Variants in JAZF1 observed in about 807,000 individuals in gnomAD.
JAZF1 encodes the protein JAZF zinc finger 1.
A neutral mutation model predicts 26.4 loss-of-function variants in JAZF1; 8 were observed. That is an observed-to-expected ratio of 0.30 (90% confidence interval 0.18 to 0.55). The LOEUF (loss-of-function observed/expected upper bound fraction) is 0.55, where lower values mean the gene tolerates loss of function less well. JAZF1 is among the 20% of genes least tolerant of loss of function. The pLI is 0.94. For synonymous variants in JAZF1, 126 were observed against 122.3 expected (o/e 1.03, Z -0.20); for missense variants, 199 against 322.0 (o/e 0.62, Z 2.92).
In JAZF1 at chr7:27,986,395, A is replaced by C. The variant is rs934493064; in HGVS notation, c.188+5514T>G. Among the ~76,000 whole-genome samples the C allele has an allele frequency of 1.5e-4, 23 of 152,270 alleles. No homozygotes were observed. In the East Asian group the frequency reaches 1.5e-3, roughly 10 times the overall value. On this transcript the variant is annotated intron_variant, in intron 2 of 4. Transcript: ENST00000283928. ...CAAAGAGAATAAAATACCTAGGAAT[A>C]CAACTTACAAGGGATGTGAAGGACC... is the stretch of plus-strand genomic sequence containing the variant.
At chr7:27,875,724 T>G (rs1783667394) in intron 3 of JAZF1, among the ~76,000 whole-genome samples, 1 of 152,232 alleles carries the variant, frequency 6.6e-6, no homozygotes, top group African/African-American at 2.4e-5. Flanking sequence ...TCTTACCATC[T>G]GTCTCCCCAC....
At chr7:28,103,584 C>T (rs1232608307) in intron 1 of JAZF1, among the ~76,000 whole-genome samples, 1 of 152,164 alleles carries the variant, frequency 6.6e-6, no homozygotes, top group African/African-American at 2.4e-5. Context: ...GCCAGTCACC[C>T]TCATCTTAGC....
intron 3 of JAZF1, among the ~76,000 whole-genome samples, chr7:27,878,697 A>G: frequency 6.6e-6 from 1 of 152,194 alleles, no homozygotes; most frequent in South Asian, 2.1e-4. Flanking sequence ...AAGGAATGAC[A>G]ACTTCCATAA....
chr7:28,030,625 G>A (rs1229670329), intron 1 of JAZF1, among the ~76,000 whole-genome samples: 1 of 152,056 alleles, frequency 6.6e-6, no homozygotes, highest in Non-Finnish European at 1.5e-5. Flanking sequence ...ATTGAGACTT[G>A]TACCACTAAA....
chr7:28,035,235 A>ACCCAGGAGG (rs1783266012), intron 1 of JAZF1, among the ~76,000 whole-genome samples: 1 of 142,260 alleles, frequency 7.0e-6, no homozygotes, highest in Admixed American at 7.4e-5. Context: ...AATTGCTTGA[A>ACCCAGGAGG]CCCAGGAGGT....
intron 1 of JAZF1, among the ~76,000 whole-genome samples, chr7:28,060,057 ATATT>A (rs1197537764): frequency 6.6e-6 from 1 of 152,092 alleles, no homozygotes; most frequent in Non-Finnish European, 1.5e-5. Context: ...TACATTCTAA[ATATT>A]TTATTCAATT....
At chr7:28,169,242 T>C (rs1443743592) in intron 1 of JAZF1, among the ~76,000 whole-genome samples, 1 of 152,248 alleles carries the variant, frequency 6.6e-6, no homozygotes. Context: ...TGTTTGCATA[T>C]TTTAACAGCA....
At chr7:28,058,497 T>C (rs1038698512) in intron 1 of JAZF1, among the ~76,000 whole-genome samples, 3 of 152,174 alleles carry the variant, frequency 2.0e-5, no homozygotes, top group Non-Finnish European at 4.4e-5. Flanking sequence ...AGTTCATCTT[T>C]TGGCCTTCCT....
At chr7:28,113,909 G>A (rs555281162) in intron 1 of JAZF1, among the ~76,000 whole-genome samples, 2 of 152,264 alleles carry the variant, frequency 1.3e-5, no homozygotes, top group South Asian at 2.1e-4. Flanking sequence ...CTGAACAATG[G>A]CAATAATGCT....
intron 3 of JAZF1, among the ~76,000 whole-genome samples, chr7:27,887,561 G>A (rs2128340630): frequency 6.6e-6 from 1 of 152,152 alleles, no homozygotes; most frequent in African/African-American, 2.4e-5. Flanking sequence ...GATTACAGGT[G>A]CGCACCAACA....
chr7:27,889,698 G>A (rs1459568739), intron 3 of JAZF1, among the ~76,000 whole-genome samples: 2 of 152,154 alleles, frequency 1.3e-5, no homozygotes, highest in Admixed American at 6.5e-5. Flanking sequence ...TTGGGAGGCT[G>A]AGGCAGGAGG....
intron 2 of JAZF1, among the ~76,000 whole-genome samples, chr7:27,951,666 C>T (rs1777750174): frequency 2.0e-5 from 3 of 152,150 alleles, no homozygotes; most frequent in Non-Finnish European, 1.5e-5. Context: ...TGCTTATACT[C>T]AACAATTCTT....
At chr7:27,904,516 C>G (rs1406931799) in intron 2 of JAZF1, among the ~76,000 whole-genome samples, 1 of 152,106 alleles carries the variant, frequency 6.6e-6, no homozygotes, top group Non-Finnish European at 1.5e-5. Flanking sequence ...AAGAGAAAAT[C>G]TGGATTTCCA....
At chr7:27,881,084 C>CATTTTTCTTTG (rs1301133013) in intron 3 of JAZF1, among the ~76,000 whole-genome samples, 2 of 152,246 alleles carry the variant, frequency 1.3e-5, no homozygotes, top group Non-Finnish European at 2.9e-5. Context: ...GAAATGGTCT[C>CATTTTTCTTTG]ATTTTTCTTT....
intron 2 of JAZF1, among the ~76,000 whole-genome samples, chr7:27,930,008 C>G (rs1784663072): frequency 6.9e-6 from 1 of 145,434 alleles, no homozygotes; most frequent in Admixed American, 7.0e-5. Context: ...TTCTTTCTTT[C>G]TTTTTGAGAC....
chr7:28,133,257 T>C (rs963908124), intron 1 of JAZF1, among the ~76,000 whole-genome samples: 1 of 152,214 alleles, frequency 6.6e-6, no homozygotes, highest in Non-Finnish European at 1.5e-5. Context: ...TACCATCAGC[T>C]GCCCTGAAGG....
At chr7:28,157,066 C>T (rs1161912244) in intron 1 of JAZF1, among the ~76,000 whole-genome samples, 2 of 152,244 alleles carry the variant, frequency 1.3e-5, no homozygotes, top group African/African-American at 4.8e-5. Flanking sequence ...TGTGCATGCA[C>T]ACAGCCCCTG....
intron 3 of JAZF1, among the ~76,000 whole-genome samples, chr7:27,869,611 G>T (rs932945800): frequency 3.3e-5 from 5 of 152,108 alleles, no homozygotes; most frequent in Non-Finnish European, 7.4e-5. Context: ...GAACCAAGGG[G>T]TTGCTTCTGG....
intron 1 of JAZF1, among the ~76,000 whole-genome samples, chr7:28,042,789 G>A (rs1385337457): frequency 6.6e-6 from 1 of 152,136 alleles, no homozygotes; most frequent in Non-Finnish European, 1.5e-5. Flanking sequence ...CATACTATAT[G>A]GGTTTGTAGC....
Sources: gnomAD v4.1 joint callset for allele counts (sites outside exome capture counted in the v4.1 genomes callset) on GRCh38, gnomAD v4.1.1 for gene constraint, MANE v1.5 for transcripts, NCBI Gene and HGNC (gene_info 2026-07-23, HGNC 2026-07-21) for gene names.